GABRB1: variants seen among roughly 807,000 people sequenced by gnomAD.
The protein encoded by GABRB1 is gamma-aminobutyric acid receptor subunit beta-1.
A neutral mutation model predicts 51.6 loss-of-function variants in GABRB1; 17 were observed. The ratio of observed to expected loss-of-function variants is 0.33; its 90% CI spans 0.23 to 0.49. GABRB1 has a LOEUF of 0.49. Ranked by LOEUF, GABRB1 falls within the 20% of genes least tolerant of loss-of-function variation. The pLI is 0.99. For missense variants in GABRB1, 410 were observed against 600.6 expected (o/e 0.68, Z 3.32); for synonymous variants, 247 against 218.9 (o/e 1.13, Z -1.14).
chr4:47,231,431 T>C (rs10017723), intron 4 of GABRB1, among the ~76,000 whole-genome samples: 30,909 of 152,018 alleles, frequency 0.2, 3,249 homozygotes, highest in East Asian at 0.25. Flanking sequence ...CCAATGATCC[T>C]GAAATCCATG....
At chr4:47,017,127 G>C (rs1383839489) in intron 1 of GABRB1, among the ~76,000 whole-genome samples, 3 of 152,204 alleles carry the variant, frequency 2.0e-5, no homozygotes, top group African/African-American at 4.8e-5. Flanking sequence ...GACCTGAAAA[G>C]TAATTCCAGA....
intron 5 of GABRB1, among the ~76,000 whole-genome samples, chr4:47,337,130 T>C (rs1237891681): frequency 6.6e-6 from 1 of 152,004 alleles, no homozygotes; most frequent in African/African-American, 2.4e-5. Flanking sequence ...GGGAGAATAG[T>C]CTGGAAGGGA....
chr4:47,000,227 C>T (rs1407623781), intron 1 of GABRB1, among the ~76,000 whole-genome samples: 4 of 151,892 alleles, frequency 2.6e-5, no homozygotes, highest in African/African-American at 7.3e-5. Flanking sequence ...ATGTATGTAG[C>T]CATATGAACA....
chr4:47,019,612 T>C (rs538199958), intron 1 of GABRB1, among the ~76,000 whole-genome samples: 1 of 99,714 alleles, frequency 1.0e-5, no homozygotes, highest in East Asian at 3.1e-4. Flanking sequence ...CTCCCTTCTT[T>C]CTTTCTTTCT....
chr4:47,395,618 C>T (rs189924783), intron 5 of GABRB1, among the ~76,000 whole-genome samples: 2 of 152,306 alleles, frequency 1.3e-5, no homozygotes, highest in East Asian at 3.9e-4. Flanking sequence ...TCATTGCCCA[C>T]ATGTAGAAAA....
intron 4 of GABRB1, among the ~76,000 whole-genome samples, chr4:47,245,616 A>G (rs577532054): frequency 6.6e-6 from 1 of 152,242 alleles, no homozygotes; most frequent in East Asian, 1.9e-4. Context: ...CTGCTCCATG[A>G]AACCCAATAG....
At chr4:47,364,396 G>A (rs1327126266) in intron 5 of GABRB1, among the ~76,000 whole-genome samples, 1 of 151,750 alleles carries the variant, frequency 6.6e-6, no homozygotes, top group Admixed American at 6.6e-5. Context: ...AGTAGAAGTT[G>A]GAGTAAAAGA....
intron 3 of GABRB1, among the ~76,000 whole-genome samples, chr4:47,087,711 C>T (rs551401983): frequency 1.3e-5 from 2 of 152,184 alleles, no homozygotes; most frequent in East Asian, 1.9e-4. Context: ...TTTGGAGAAA[C>T]AGCATAGCAT....
chr4:47,272,843 A>ATTTTTATT (rs1722926948), intron 4 of GABRB1, among the ~76,000 whole-genome samples: 1 of 152,126 alleles, frequency 6.6e-6, no homozygotes, highest in African/African-American at 2.4e-5. Context: ...CTCTGTATAC[A>ATTTTTATT]TTTTATTCCT....
At chr4:47,033,331 A>C (rs542950382) in intron 3 of GABRB1, among the ~76,000 whole-genome samples, 6 of 152,264 alleles carry the variant, frequency 3.9e-5, no homozygotes, top group Admixed American at 3.3e-4. Context: ...AATGAACTGA[A>C]ATAGCTGCCA....
intron 5 of GABRB1, among the ~76,000 whole-genome samples, chr4:47,349,057 A>G (rs961187359): frequency 6.6e-6 from 1 of 152,158 alleles, no homozygotes; most frequent in Non-Finnish European, 1.5e-5. Flanking sequence ...AATACCGGGA[A>G]TGTTTTAGAT....
intron 4 of GABRB1, among the ~76,000 whole-genome samples, chr4:47,232,134 C>G (rs1043249384): frequency 6.6e-6 from 1 of 152,154 alleles, no homozygotes; most frequent in Non-Finnish European, 1.5e-5. Context: ...AAGCACTTGC[C>G]TGGTGCTTTT....
At chr4:47,085,968 T>G (rs975377838) in intron 3 of GABRB1, among the ~76,000 whole-genome samples, 12 of 152,144 alleles carry the variant, frequency 7.9e-5, no homozygotes, top group Non-Finnish European at 1.8e-4. Context: ...GGTGAAGAAA[T>G]AGACTCCCAC....
intron 5 of GABRB1, among the ~76,000 whole-genome samples, chr4:47,383,708 C>T (rs920398985): frequency 2.0e-5 from 3 of 152,048 alleles, no homozygotes; most frequent in Non-Finnish European, 4.4e-5. Flanking sequence ...CTACCATACT[C>T]CTCAAAATGT....
chr4:47,221,444 A>G (rs1466540848), intron 4 of GABRB1, among the ~76,000 whole-genome samples: 1 of 152,024 alleles, frequency 6.6e-6, no homozygotes. Context: ...TACTGAACTA[A>G]TTCAGTTCAC....
At chr4:47,293,496 A>C (rs1560317973) in intron 4 of GABRB1, among the ~76,000 whole-genome samples, 1 of 152,178 alleles carries the variant, frequency 6.6e-6, no homozygotes, top group Non-Finnish European at 1.5e-5. Context: ...AAAGTACTTG[A>C]GGATTTTCAG....
chr4:47,362,936 T>A (rs1239919972), intron 5 of GABRB1, among the ~76,000 whole-genome samples: 2 of 152,076 alleles, frequency 1.3e-5, no homozygotes, highest in East Asian at 1.9e-4. Context: ...ACTGTGAACA[T>A]GCCATGAAGA....
At chr4:47,077,977 A>AT (rs1727646360) in intron 3 of GABRB1, among the ~76,000 whole-genome samples, 1 of 37,838 alleles carries the variant, frequency 2.6e-5, no homozygotes, top group African/African-American at 1.3e-4. Flanking sequence ...TATTTTATAT[A>AT]TAATATATAA....
At chr4:47,301,137 G>A (rs899589368) in intron 4 of GABRB1, among the ~76,000 whole-genome samples, 3 of 152,060 alleles carry the variant, frequency 2.0e-5, no homozygotes, top group African/African-American at 7.2e-5. Context: ...CTTAGGTTAT[G>A]TTGACTCTTA....
Sources: allele counts gnomAD v4.1 joint callset (sites outside exome capture counted in the v4.1 genomes callset), GRCh38; gene constraint gnomAD v4.1.1; transcripts MANE v1.5; gene names NCBI Gene and HGNC (gene_info 2026-07-23, HGNC 2026-07-21).